The following LHFPL3 variants were observed in gnomAD, a reference collection of about 807,000 sequenced individuals.
LHFPL3 encodes the protein LHFPL tetraspan subfamily member 3 protein.
A neutral mutation model predicts 19.3 loss-of-function variants in LHFPL3; 5 were observed. The observed-to-expected ratio is 0.26, with a 90% CI of 0.14 to 0.54. The LOEUF (loss-of-function observed/expected upper bound fraction) is 0.54. Among genes scored for constraint, LHFPL3 ranks in the 20% least tolerant of loss-of-function variants. The pLI is 0.94. For synonymous variants in LHFPL3, 133 were observed against 126.2 expected, an observed-to-expected ratio of 1.05 and a Z score of -0.36; for missense variants, 249 against 307.4, an observed-to-expected ratio of 0.81 and a Z score of 1.42.
chr7:104,584,627 A>G (rs1263589162), intron 1 of LHFPL3, among the ~76,000 whole-genome samples: 2 of 152,170 alleles, frequency 1.3e-5, no homozygotes, highest in Non-Finnish European at 2.9e-5. Context: ...TTATATATCA[A>G]ACTAGAAGAC....
At chr7:104,863,904 G>A (rs570734306) in intron 2 of LHFPL3, among the ~76,000 whole-genome samples, 49 of 152,324 alleles carry the variant, frequency 3.2e-4, no homozygotes, top group African/African-American at 5.8e-4. Context: ...CAGCCCTGGA[G>A]GAAACACCTC....
chr7:104,528,068 T>C (rs2115834585), intron 1 of LHFPL3, among the ~76,000 whole-genome samples: 1 of 152,334 alleles, frequency 6.6e-6, no homozygotes, highest in South Asian at 2.1e-4. Flanking sequence ...GGTGCGAGAT[T>C]CATGTGGAAG....
chr7:104,593,374 T>G (rs923296544), intron 1 of LHFPL3, among the ~76,000 whole-genome samples: 5 of 152,234 alleles, frequency 3.3e-5, no homozygotes, highest in Admixed American at 6.5e-5. Context: ...AATCCTGAGT[T>G]CTAGTTTGAT....
At chr7:104,430,435 TATATATATATATATATATA>T (rs1791968322) in intron 1 of LHFPL3, among the ~76,000 whole-genome samples, 1 of 14,272 alleles carries the variant, frequency 7.0e-5, no homozygotes, top group Non-Finnish European at 1.3e-4. Context: ...TATATATATA[TATATATATATATATATATA>T]TTTTTTTTTT....
At position 104,671,591 on chromosome 7, in the gene LHFPL3, G is replaced by C. The variant is rs530947402; in HGVS notation, c.446-65084G>C. On this transcript the variant is annotated intron_variant, in intron 1 of 2. Coordinates refer to ENST00000424859, the MANE Select transcript of LHFPL3 (RefSeq NM_199000.3). ...AAGTTCAAAAAAAAAAAAAAAGAAA[G>C]AAATACAAGGAAAAAATACAGACTT... 2.9e-5 allele frequency among the ~76,000 whole-genome samples: 4 copies of C among 140,350 alleles called. No individual in the cohort carries two copies. The East Asian group carries it at 8.2e-4, about 29-fold the overall frequency. The allele number at this position is 140,350 out of a possible 152,430, so 92.1% of individuals were successfully genotyped here. A position where few individuals can be genotyped will look rare whatever the true frequency, so the allele number is the denominator to read the frequency against.
chr7:104,824,446 ATATAAT>A lies in LHFPL3; in HGVS notation c.683-81736_683-81731del, dbSNP rs1259999411. 2.2e-3 allele frequency among the ~76,000 whole-genome samples: 125 copies of A among 56,560 alleles called. 1 individual carries two copies. Among genetic ancestry groups the A allele is most frequent in the Non-Finnish European group, 3.0e-3 (102 of 34,498 alleles). 37.1% of individuals were successfully genotyped at this position (56,560 alleles called of 152,430 possible). A position where few individuals can be genotyped will look rare whatever the true frequency, so the allele number is the denominator to read the frequency against. On this transcript the variant is annotated intron_variant, in intron 2 of 2. Transcript: ENST00000424859. Reference sequence around the variant, plus strand: ...TATAATATATATAATTATAGATAATATATAATTATATAATTTTATATATAATATATA... The same window carrying A: ...TATAATATATATAATTATAGATAATATATATAATTTTATATATAATATATA...
intron 2 of LHFPL3, among the ~76,000 whole-genome samples, chr7:104,860,283 G>C (rs1384914623): frequency 1.3e-5 from 2 of 151,900 alleles, no homozygotes; most frequent in East Asian, 3.9e-4. Flanking sequence ...ATGCAGGCAG[G>C]GTTGATTATG....
chr7:104,448,826 G>C (rs1351632689), intron 1 of LHFPL3, among the ~76,000 whole-genome samples: 1 of 152,134 alleles, frequency 6.6e-6, no homozygotes, highest in African/African-American at 2.4e-5. Flanking sequence ...TTTAGGCCCT[G>C]GAAAAAATGT....
At chr7:104,402,608 G>T (rs1328088582) in intron 1 of LHFPL3, among the ~76,000 whole-genome samples, 1 of 152,138 alleles carries the variant, frequency 6.6e-6, no homozygotes, top group Non-Finnish European at 1.5e-5. Context: ...ACAATAGAGG[G>T]GTTGAAAGCC....
intron 1 of LHFPL3, among the ~76,000 whole-genome samples, chr7:104,559,613 A>T (rs556732162): frequency 1.3e-5 from 2 of 152,316 alleles, no homozygotes; most frequent in Middle Eastern, 3.4e-3. Flanking sequence ...ATATACAATC[A>T]TGTCATCTGC....
At chr7:104,782,801 G>T (rs577703887) in intron 2 of LHFPL3, among the ~76,000 whole-genome samples, 1 of 152,106 alleles carries the variant, frequency 6.6e-6, no homozygotes, top group African/African-American at 2.4e-5. Flanking sequence ...TTTCTTATAC[G>T]CTACACTCTA....
chr7:104,769,789 C>T (rs900822576), intron 2 of LHFPL3, among the ~76,000 whole-genome samples: 1 of 152,148 alleles, frequency 6.6e-6, no homozygotes, highest in East Asian at 1.9e-4. Context: ...ACCCAAATGT[C>T]CATCAATAAT....
chr7:104,681,354 G>A (rs1327361523), intron 1 of LHFPL3, among the ~76,000 whole-genome samples: 2 of 152,108 alleles, frequency 1.3e-5, no homozygotes, highest in Non-Finnish European at 2.9e-5. Flanking sequence ...GCTAGGCATG[G>A]TGGCTCACGC....
At chr7:104,530,295 T>C (rs1191522103) in intron 1 of LHFPL3, among the ~76,000 whole-genome samples, 1 of 152,226 alleles carries the variant, frequency 6.6e-6, no homozygotes, top group Non-Finnish European at 1.5e-5. Context: ...TTTCAGTGAC[T>C]CAAATATAGC....
At chr7:104,832,624 C>CTT (rs10636405) in intron 2 of LHFPL3, among the ~76,000 whole-genome samples, 2,676 of 131,956 alleles carry the variant, frequency 0.02, 94 homozygotes, top group East Asian at 0.12. Context: ...TTTTTTCCTT[C>CTT]TTTTTTTTTT....
In LHFPL3 at chr7:104,812,921, G is replaced by A. The variant is rs138268875; in HGVS notation, c.682+76010G>A. On this transcript the variant is annotated intron_variant, in intron 2 of 2. Transcript: ENST00000424859. ...AAGGTAAGGAGTTCAAGACCAGCCT[G>A]GCCAACATGGTGAAACCCCTTCTCT... Among the ~76,000 whole-genome samples, 815 of 151,420 alleles carry A rather than the reference G, an allele frequency of 5.4e-3. 3 individuals are homozygous for A. The highest frequency in any genetic ancestry group is 0.019 in the African/African-American group (778 of 41,258).
chr7:104,373,311 G>A (rs1452509021), intron 1 of LHFPL3, among the ~76,000 whole-genome samples: 1 of 152,186 alleles, frequency 6.6e-6, no homozygotes, highest in South Asian at 2.1e-4. Context: ...CAGAGTAGCA[G>A]CCACATTTCA....
chr7:104,565,845 G>A (rs895874450), intron 1 of LHFPL3, among the ~76,000 whole-genome samples: 12 of 151,610 alleles, frequency 7.9e-5, no homozygotes, highest in African/African-American at 1.9e-4. Context: ...CCAAATGTTC[G>A]ATTAGTCAAC....
chr7:104,865,199 C>A (rs1791697048), intron 2 of LHFPL3, among the ~76,000 whole-genome samples: 1 of 152,192 alleles, frequency 6.6e-6, no homozygotes. Context: ...CAGCTCCTCA[C>A]CAGCAACAGA....
Sources: allele counts gnomAD v4.1 joint callset (sites outside exome capture counted in the v4.1 genomes callset), GRCh38; gene constraint gnomAD v4.1.1; transcripts MANE v1.5; gene names NCBI Gene and HGNC (gene_info 2026-07-23, HGNC 2026-07-21).